Variants in CNTN3 observed in about 807,000 individuals in gnomAD.
CNTN3 encodes contactin-3.
A neutral mutation model predicts 119.1 loss-of-function variants in CNTN3; 60 were observed. That is an observed-to-expected ratio of 0.50 (90% CI 0.41 to 0.62). CNTN3 has a LOEUF of 0.62. Ranked by LOEUF, CNTN3 falls within the 20% of genes least tolerant of loss-of-function variation. The pLI is 0.00. For missense variants in CNTN3, 1,101 were observed against 1,242.4 expected, an observed-to-expected ratio of 0.89 and a Z score of 1.71; for synonymous variants, 450 against 438.7, an observed-to-expected ratio of 1.03 and a Z score of -0.32.
rs896989743 is a variant in CNTN3, at chr3:74,302,904, A to C, written c.1669-97T>G. 4.1e-6 allele frequency: 3 copies of C among 735,710 alleles called. No individual in the cohort carries two copies. In the South Asian group the frequency reaches 5.4e-5, roughly 13 times the overall value. 45.6% of individuals were successfully genotyped at this position (735,710 alleles called of 1,614,324 possible). ...CAAAAACAACAACATTGCAATGAAA[A>C]CTATATTTAGGGAGCAAACCAAGGT... On this transcript the variant is annotated intron_variant, in intron 13 of 22. Transcript: ENST00000263665.
chr3:74,496,133 T>C (rs886293025), intron 3 of CNTN3, among the ~76,000 whole-genome samples: 1 of 152,094 alleles, frequency 6.6e-6, no homozygotes, highest in African/African-American at 2.4e-5. Flanking sequence ...ATGTGATTAC[T>C]GGCTACCATA....
chr3:74,326,850 G>A (rs985980349), intron 13 of CNTN3, among the ~76,000 whole-genome samples: 10 of 151,996 alleles, frequency 6.6e-5, no homozygotes, highest in Non-Finnish European at 8.8e-5. Context: ...TGATATTTGT[G>A]TGTAGCCTCA....
At chr3:74,600,106 T>G in intron 1 of CNTN3, among the ~76,000 whole-genome samples, 1 of 152,022 alleles carries the variant, frequency 6.6e-6, no homozygotes, top group East Asian at 1.9e-4. Flanking sequence ...AAAAATGAAT[T>G]AATCATATGT....
Position 74,519,275 on chromosome 3 carries a change from C to T in CNTN3, c.55+1783G>A, listed in dbSNP as rs181413213. On this transcript the variant is annotated intron_variant, in intron 2 of 22. Transcript: ENST00000263665. ...AATTCTCCCTTACAAATCCTTATAA[C>T]GTTTTACCACCATATCTAGAGAATA... Among the ~76,000 whole-genome samples, 252 of 151,820 alleles carry T rather than the reference C, an allele frequency of 1.7e-3. 3 individuals are homozygous for T. In the East Asian group the frequency reaches 0.043, roughly 26 times the overall value.
intron 1 of CNTN3, among the ~76,000 whole-genome samples, chr3:74,571,752 T>A (rs1704338107): frequency 6.6e-6 from 1 of 152,206 alleles, no homozygotes. Flanking sequence ...CATTTTATAC[T>A]TAGAAACTGG....
chr3:74,510,400 C>G (rs1276238346), intron 2 of CNTN3, among the ~76,000 whole-genome samples: 1 of 152,100 alleles, frequency 6.6e-6, no homozygotes, highest in African/African-American at 2.4e-5. Context: ...ACACCCCGTG[C>G]ACACCCTTCT....
intron 2 of CNTN3, among the ~76,000 whole-genome samples, chr3:74,519,942 G>A (rs1703514651): frequency 1.3e-5 from 2 of 151,548 alleles, no homozygotes; most frequent in Admixed American, 1.3e-4. Context: ...ATATTATCAT[G>A]TAAATATTTG....
intron 5 of CNTN3, among the ~76,000 whole-genome samples, chr3:74,395,779 T>G (rs971847214): frequency 1.3e-5 from 2 of 152,208 alleles, no homozygotes; most frequent in African/African-American, 4.8e-5. Flanking sequence ...TTTTTTTAAA[T>G]TGAAGGTGTG....
intron 2 of CNTN3, among the ~76,000 whole-genome samples, chr3:74,505,508 CACACACACACACACACCACACAT>C (rs1380587383): frequency 1.3e-5 from 2 of 149,442 alleles, no homozygotes; most frequent in African/African-American, 5.0e-5. Flanking sequence ...TAAATACACA[CACACACACACACACACCACACAT>C]ACACACAATA....
At chr3:74,470,986 C>T (rs1702551465) in intron 4 of CNTN3, among the ~76,000 whole-genome samples, 1 of 152,074 alleles carries the variant, frequency 6.6e-6, no homozygotes, top group African/African-American at 2.4e-5. Context: ...AAGCGATTCT[C>T]CTGCCTCAGC....
chr3:74,562,965 T>C (rs1388208953), intron 1 of CNTN3, among the ~76,000 whole-genome samples: 1 of 152,112 alleles, frequency 6.6e-6, no homozygotes, highest in East Asian at 1.9e-4. Flanking sequence ...GAAGAGATAA[T>C]GCCCATTTGA....
chr3:74,606,956 T>A (rs1038897996), intron 1 of CNTN3, among the ~76,000 whole-genome samples: 1 of 152,094 alleles, frequency 6.6e-6, no homozygotes, highest in Admixed American at 6.6e-5. Flanking sequence ...ATATTACATA[T>A]GAAGAAAAAA....
In CNTN3 at chr3:74,591,595, C is replaced by G. The variant is rs1375398409; in HGVS notation, c.-81+22796G>C. On this transcript the variant is annotated intron_variant, in intron 1 of 22. Transcript: ENST00000263665. ...TAAAGGCCTGGAAGCGGGGAAACAG[C>G]TGGCAAGATGGAGCTGAGGAAAAAT... 2.4e-4 allele frequency among the ~76,000 whole-genome samples: 37 copies of G among 151,668 alleles called. 1 individual carries two copies. Among genetic ancestry groups the G allele is most frequent in the Admixed American group, 2.4e-3 (37 of 15,174 alleles).
At chr3:74,552,496 T>C (rs111557706) in intron 1 of CNTN3, among the ~76,000 whole-genome samples, 2,589 of 152,294 alleles carry the variant, frequency 0.017, 63 homozygotes, top group African/African-American at 0.058. Flanking sequence ...GCCATGGTAA[T>C]ATATGTGTGG....
At chr3:74,346,514 A>G (rs1022444432) in intron 11 of CNTN3, among the ~76,000 whole-genome samples, 2 of 152,244 alleles carry the variant, frequency 1.3e-5, no homozygotes, top group Non-Finnish European at 2.9e-5. Context: ...ATAAGATCAC[A>G]AAGTGGAAAA....
At chr3:74,353,359 A>G (rs930384162) in intron 11 of CNTN3, among the ~76,000 whole-genome samples, 1 of 152,232 alleles carries the variant, frequency 6.6e-6, no homozygotes, top group African/African-American at 2.4e-5. Flanking sequence ...TGCTTCACAA[A>G]TGGCAAAAGT....
chr3:74,569,002 C>T (rs536537576), intron 1 of CNTN3, among the ~76,000 whole-genome samples: 1 of 152,216 alleles, frequency 6.6e-6, no homozygotes, highest in East Asian at 1.9e-4. Context: ...AGCTTACAGC[C>T]CATGAGGTCA....
intron 13 of CNTN3, among the ~76,000 whole-genome samples, chr3:74,308,361 G>A (rs1357886995): frequency 6.6e-6 from 1 of 152,130 alleles, no homozygotes; most frequent in Non-Finnish European, 1.5e-5. Flanking sequence ...ATTTAAGACA[G>A]GTAAGATGCA....
intron 20 of CNTN3, among the ~76,000 whole-genome samples, chr3:74,283,228 G>A (rs1702049525): frequency 6.6e-6 from 1 of 152,122 alleles, no homozygotes; most frequent in Admixed American, 6.5e-5. Flanking sequence ...TGCAATGTCA[G>A]TACCATTATA....
Sources: allele counts gnomAD v4.1 joint callset (sites outside exome capture counted in the v4.1 genomes callset), GRCh38; gene constraint gnomAD v4.1.1; transcripts MANE v1.5; gene names NCBI Gene and HGNC (gene_info 2026-07-23, HGNC 2026-07-21).